Variants in NEBL observed in about 807,000 individuals in gnomAD.
NEBL encodes the protein LIM and SH3 protein 2.
NEBL carries 122 observed loss-of-function variants against 140.2 expected under a neutral mutation model. That is an observed-to-expected ratio of 0.87 (90% CI 0.75 to 1.01). NEBL has a LOEUF of 1.01. NEBL is among the 50% of genes least tolerant of loss of function. The pLI is 0.00. For synonymous variants in NEBL, 436 were observed against 398.9 expected (o/e 1.09, Z -1.11); for missense variants, 1,365 against 1,231.3 (o/e 1.11, Z -1.62).
Position 21,185,807 on chromosome 10 carries a change from C to A in NEBL, n.349-13330G>T, listed in dbSNP as rs550636155. On this transcript the variant is annotated intron_variant and non_coding_transcript_variant, in intron 3 of 8. Coordinates refer to the NEBL transcript ENST00000675702. ...CCCACTGCGCCCTACCTCTTTCTGC[C>A]CCCTTTTCCTCAGACCCTGTGGCTC... 8.5e-5 allele frequency among the ~76,000 whole-genome samples: 13 copies of A among 152,214 alleles called. No homozygotes were observed. The East Asian group carries it at 1.4e-3, about 16-fold the overall frequency.
rs755632954 is a variant in NEBL, at chr10:20,888,143, G to A, written c.323C>T (p.Thr108Ile). The change falls in exon 4 of 28, where the codon ACA (threonine) becomes ATA (isoleucine). Residue 108 changes from threonine to isoleucine, a missense_variant. Physicochemically the swap from Thr to Ile is moderately conservative, Grantham distance 89 (BLOSUM62 -1). This residue lies in a region of NEBL where 1,323 missense variants were observed against 1,154.8 expected (regional missense o/e 1.15). Transcript: ENST00000377122. ...SNSLYKRMPA[T>I]IDSVFAGEVT... ...TTCTCCTGCAAAAACACTGTCAATT[G>A]TGGCTGGCATCCGCTTATAAAGAGA... The A allele has an allele frequency of 6.2e-7, 1 of 1,613,842 alleles. No individual in the cohort carries two copies. Among genetic ancestry groups the A allele is most frequent in the South Asian group, 1.1e-5 (1 of 91,074 alleles).
At chr10:20,994,949 C>T (rs1837608706) in intron 3 of NEBL, among the ~76,000 whole-genome samples, 1 of 152,060 alleles carries the variant, frequency 6.6e-6, no homozygotes, top group African/African-American at 2.4e-5. Flanking sequence ...TGTAAGTGAA[C>T]CCATGCAGTT....
intron 3 of NEBL, among the ~76,000 whole-genome samples, chr10:21,186,988 ATGTGTGTG>A (rs35359446): frequency 0.12 from 17,040 of 141,956 alleles, 1,062 homozygotes; most frequent in Non-Finnish European, 0.15. Flanking sequence ...CCAACTCTGT[ATGTGTGTG>A]TGTGTGTGTG....
chr10:20,876,392 A>G (rs1845505260), intron 5 of NEBL, among the ~76,000 whole-genome samples: 1 of 152,184 alleles, frequency 6.6e-6, no homozygotes, highest in South Asian at 2.1e-4. Flanking sequence ...AAACACTAAT[A>G]TATCTAATTT....
At chr10:21,268,473 G>C (rs1177075809) in intron 1 of NEBL, among the ~76,000 whole-genome samples, 2 of 151,836 alleles carry the variant, frequency 1.3e-5, no homozygotes, top group African/African-American at 4.8e-5. Flanking sequence ...ACAGAGCAAG[G>C]CTCTATCTCT....
At chr10:20,795,177 G>A (rs1564330674) in intron 26 of NEBL, among the ~76,000 whole-genome samples, 1 of 152,188 alleles carries the variant, frequency 6.6e-6, no homozygotes, top group Non-Finnish European at 1.5e-5. Context: ...TAAGAAGACT[G>A]GATCTGAAGT....
chr10:21,275,231 A>G (rs1842905709), intron 1 of NEBL, among the ~76,000 whole-genome samples: 1 of 152,208 alleles, frequency 6.6e-6, no homozygotes, highest in African/African-American at 2.4e-5. Context: ...CCCAGAAACT[A>G]TAAGCTAATG....
At chr10:20,801,920 A>C (rs544760604) in intron 26 of NEBL, among the ~76,000 whole-genome samples, 12 of 152,320 alleles carry the variant, frequency 7.9e-5, no homozygotes, top group African/African-American at 2.9e-4. Context: ...AGGTAGGGCT[A>C]GGCCATCCCC....
intron 2 of NEBL, among the ~76,000 whole-genome samples, chr10:21,038,123 T>G (rs559811474): frequency 6.6e-6 from 1 of 152,318 alleles, no homozygotes; most frequent in Admixed American, 6.5e-5. Context: ...GCAAAATTAC[T>G]ACCTAACTAT....
chr10:20,942,896 T>C (rs565203637), intron 4 of NEBL, among the ~76,000 whole-genome samples: 1,704 of 152,168 alleles, frequency 0.011, 23 homozygotes, highest in African/African-American at 0.031. Flanking sequence ...GAGATACCAT[T>C]TCACACCAGT....
intron 1 of NEBL, among the ~76,000 whole-genome samples, chr10:21,263,411 TGAGATCAA>T (rs1842763501): frequency 6.6e-6 from 1 of 151,518 alleles, no homozygotes; most frequent in South Asian, 2.1e-4. Flanking sequence ...GGCGGGGGGT[TGAGATCAA>T]GAGGTGACTG....
At chr10:20,889,794 T>C (rs768846039) in intron 3 of NEBL, 51 bp downstream of exon 3, 1 of 1,100,344 alleles carries the variant, frequency 9.1e-7, no homozygotes, top group Middle Eastern at 2.0e-4. Flanking sequence ...TTCATCTATA[T>C]AATAAGAAAA....
intron 2 of NEBL, among the ~76,000 whole-genome samples, chr10:21,153,624 G>T (rs1374349599): frequency 6.6e-6 from 1 of 152,054 alleles, no homozygotes; most frequent in Non-Finnish European, 1.5e-5. Context: ...CACCCCGAGG[G>T]TTCAAGTGAA....
chr10:20,869,793 G>GTT lies in NEBL; in HGVS notation c.527_528dup (p.Leu177AsnfsTer17). 6.2e-7 allele frequency: 1 copy of GTT among 1,613,624 alleles called. No homozygotes were observed. ...GCCATCTTGATGTCTGGTCGGTCAA[G>GTT]TTCTGCACTGTACGTGTGGGTGTCC... On this transcript the variant is annotated frameshift_variant, in exon 6 of 28. Coordinates refer to ENST00000377122, the MANE Select transcript of NEBL (RefSeq NM_006393.3). LOFTEE classifies it high-confidence loss of function.
chr10:21,167,752 A>G (rs1225302769), intron 2 of NEBL, among the ~76,000 whole-genome samples: 1 of 152,264 alleles, frequency 6.6e-6, no homozygotes, highest in African/African-American at 2.4e-5. Context: ...CTTGGCATAT[A>G]AATTCACATA....
At chr10:21,119,176 CAT>C (rs1838412332) in intron 2 of NEBL, among the ~76,000 whole-genome samples, 1 of 152,148 alleles carries the variant, frequency 6.6e-6, no homozygotes. Context: ...ACAATAATAA[CAT>C]GTCATTTTCT....
At chr10:21,240,516 G>T (rs974831125) in intron 3 of NEBL, among the ~76,000 whole-genome samples, 1 of 152,018 alleles carries the variant, frequency 6.6e-6, no homozygotes, top group Non-Finnish European at 1.5e-5. Flanking sequence ...GGTGGCACTC[G>T]CCTGTAATCC....
intron 2 of NEBL, among the ~76,000 whole-genome samples, chr10:21,098,224 ACG>A (rs1837291798): frequency 6.7e-6 from 1 of 150,162 alleles, no homozygotes; most frequent in Non-Finnish European, 1.5e-5. Context: ...TCTCACTCAC[ACG>A]TGCACACATA....
At chr10:21,169,069 T>A (rs10540045) in intron 2 of NEBL, among the ~76,000 whole-genome samples, 873 of 24,320 alleles carry the variant, frequency 0.036, 32 homozygotes, top group African/African-American at 0.11. Flanking sequence ...AAAAAAAAAA[T>A]ATATATATAT....
Sources: allele counts gnomAD v4.1 joint callset (sites outside exome capture counted in the v4.1 genomes callset), GRCh38; gene constraint gnomAD v4.1.1; regional missense constraint gnomAD v4.1.1; transcripts MANE v1.5; gene names NCBI Gene and HGNC (gene_info 2026-07-23, HGNC 2026-07-21).